The following CADM2 variants were observed in gnomAD, a reference collection of about 807,000 sequenced individuals.
The protein encoded by CADM2 is cell adhesion molecule 2, also known as immunoglobulin superfamily member 4D.
In CADM2, 12 loss-of-function variants were observed where a neutral mutation model predicts 49.8. The observed-to-expected ratio is 0.24, with a 90% CI of 0.15 to 0.39. CADM2 has a LOEUF of 0.39. Among genes scored for constraint, CADM2 ranks in the 10% least tolerant of loss-of-function variants. The pLI, the probability that CADM2 is intolerant of heterozygous loss-of-function variation, is 1.00. For missense variants in CADM2, 378 were observed against 492.3 expected (o/e 0.77, Z 2.20); for synonymous variants, 214 against 175.4 (o/e 1.22, Z -1.74).
At chr3:85,952,104 A>G (rs1482984138) in intron 7 of CADM2, among the ~76,000 whole-genome samples, 1 of 150,992 alleles carries the variant, frequency 6.6e-6, no homozygotes, top group Non-Finnish European at 1.5e-5. Flanking sequence ...GGAAGTAACA[A>G]TGATGACAAT....
chr3:85,482,031 A>C (rs2039234819), intron 1 of CADM2, among the ~76,000 whole-genome samples: 1 of 151,802 alleles, frequency 6.6e-6, no homozygotes, highest in African/African-American at 2.4e-5. Context: ...AAAAGGGAGA[A>C]GTGTTCATAA....
chr3:85,518,579 T>A (rs936743996), intron 1 of CADM2, among the ~76,000 whole-genome samples: 3 of 152,176 alleles, frequency 2.0e-5, no homozygotes, highest in Admixed American at 1.3e-4. Context: ...TAGTTTCACC[T>A]GGGAAAAATT....
intron 1 of CADM2, among the ~76,000 whole-genome samples, chr3:85,465,473 A>T (rs182074680): frequency 6.6e-6 from 1 of 152,156 alleles, no homozygotes; most frequent in Non-Finnish European, 1.5e-5. Flanking sequence ...CATTTTGTTC[A>T]TAAGACCTTT....
chr3:84,998,914 C>T (rs989072100), intron 1 of CADM2, among the ~76,000 whole-genome samples: 1 of 152,142 alleles, frequency 6.6e-6, no homozygotes, highest in Non-Finnish European at 1.5e-5. Context: ...TACTCCCATA[C>T]CTATTTGATC....
intron 1 of CADM2, among the ~76,000 whole-genome samples, chr3:85,444,173 G>T (rs1342575250): frequency 6.6e-6 from 1 of 151,972 alleles, no homozygotes; most frequent in Non-Finnish European, 1.5e-5. Flanking sequence ...GACATAAGCT[G>T]CCAACATGTC....
intron 1 of CADM2, among the ~76,000 whole-genome samples, chr3:85,062,907 G>A (rs1200338404): frequency 6.6e-6 from 1 of 151,240 alleles, no homozygotes; most frequent in Non-Finnish European, 1.5e-5. Context: ...TTCATTTGCT[G>A]TGAATCAATT....
chr3:85,723,273 C>T (rs1202410329), intron 1 of CADM2, among the ~76,000 whole-genome samples: 2 of 152,106 alleles, frequency 1.3e-5, no homozygotes, highest in African/African-American at 2.4e-5. Flanking sequence ...GGTGTCATAT[C>T]TAAAACTTTT....
In CADM2 at chr3:85,093,371, C is replaced by T. The variant is rs150771755; in HGVS notation, c.61+133703C>T. Among the ~76,000 whole-genome samples the T allele has an allele frequency of 2.5e-3, 375 of 151,836 alleles. 5 individuals carry two copies. In the East Asian group the frequency reaches 0.025, roughly 10 times the overall value. On this transcript the variant is annotated intron_variant, in intron 1 of 9. Transcript: ENST00000383699. ...ACTAAAACTACAAAAATTAGCTCGG[C>T]GTGGTGGTGCACACCTGTAGTCCCA...
intron 1 of CADM2, among the ~76,000 whole-genome samples, chr3:85,404,347 GTGTT>G (rs1378046430): frequency 1.3e-5 from 2 of 151,930 alleles, no homozygotes; most frequent in African/African-American, 2.4e-5. Flanking sequence ...TATTGTGTAT[GTGTT>G]TATGTACATT....
At chr3:85,464,674 T>C (rs2038407638) in intron 1 of CADM2, among the ~76,000 whole-genome samples, 1 of 152,210 alleles carries the variant, frequency 6.6e-6, no homozygotes, top group African/African-American at 2.4e-5. Context: ...CGTTTCATCA[T>C]ATATTACATC....
At position 84,965,788 on chromosome 3, in the gene CADM2, A is replaced by G. The variant is rs530371939; in HGVS notation, c.61+6120A>G. Among the ~76,000 whole-genome samples the G allele has an allele frequency of 5.3e-5, 8 of 152,312 alleles. No homozygotes were observed. In the East Asian group the frequency reaches 9.7e-4, roughly 18 times the overall value. The stretch of plus-strand genomic sequence containing the variant: ...AGAGCATTTCCTGTACTATGAAAAT[A>G]TAGCAGTTTCTTTACAAAATAGGAG... On this transcript the variant is annotated intron_variant, in intron 1 of 9. Transcript: ENST00000383699.
At chr3:85,164,456 C>T (rs897857266) in intron 1 of CADM2, among the ~76,000 whole-genome samples, 3 of 152,024 alleles carry the variant, frequency 2.0e-5, no homozygotes, top group African/African-American at 7.2e-5. Flanking sequence ...TATCCCTTGC[C>T]CTCAATCAAC....
chr3:85,679,137 A>G (rs2065968668), intron 1 of CADM2, among the ~76,000 whole-genome samples: 1 of 152,218 alleles, frequency 6.6e-6, no homozygotes, highest in Non-Finnish European at 1.5e-5. Context: ...TATGATAAAT[A>G]AAAGGAAGAC....
At chr3:85,796,220 T>C (rs2071611873) in intron 2 of CADM2, among the ~76,000 whole-genome samples, 1 of 152,220 alleles carries the variant, frequency 6.6e-6, no homozygotes, top group Non-Finnish European at 1.5e-5. Context: ...AATTTATGCA[T>C]TATATCAATA....
chr3:85,726,646 A>G (rs2067706738), intron 2 of CADM2, 98 bp downstream of exon 2: 2 of 876,338 alleles, frequency 2.3e-6, no homozygotes, highest in East Asian at 4.9e-5. Context: ...GTTGGTGATA[A>G]TACTATTTCA....
intron 2 of CADM2, among the ~76,000 whole-genome samples, chr3:85,795,992 A>G (rs569550065): frequency 1.3e-5 from 2 of 152,318 alleles, no homozygotes; most frequent in East Asian, 3.9e-4. Context: ...AATGAGAAGG[A>G]TGATATTTTC....
At chr3:85,798,272 A>G (rs1220063971) in intron 2 of CADM2, among the ~76,000 whole-genome samples, 1 of 152,132 alleles carries the variant, frequency 6.6e-6, no homozygotes, top group African/African-American at 2.4e-5. Flanking sequence ...CTTTAGTTTA[A>G]GTAGATCTCA....
intron 1 of CADM2, among the ~76,000 whole-genome samples, chr3:85,027,683 A>AT (rs1209647260): frequency 1.3e-5 from 2 of 152,170 alleles, no homozygotes; most frequent in Non-Finnish European, 2.9e-5. Flanking sequence ...TTTTTAGATA[A>AT]TTACCTTAAG....
At chr3:85,799,303 C>A (rs1300185771) in intron 2 of CADM2, among the ~76,000 whole-genome samples, 1 of 152,128 alleles carries the variant, frequency 6.6e-6, no homozygotes, top group Admixed American at 6.5e-5. Context: ...ATTTCCAATA[C>A]TATGTTGAAT....
Sources: allele counts gnomAD v4.1 joint callset (sites outside exome capture counted in the v4.1 genomes callset), GRCh38; gene constraint gnomAD v4.1.1; transcripts MANE v1.5; gene names NCBI Gene and HGNC (gene_info 2026-07-23, HGNC 2026-07-21).